Variants in DSE observed in about 807,000 individuals in gnomAD.
DSE encodes dermatan-sulfate epimerase.
DSE carries 36 observed loss-of-function variants against 84.4 expected under a neutral mutation model. The ratio of observed to expected loss-of-function variants is 0.43; its 90% CI spans 0.33 to 0.56. The LOEUF (loss-of-function observed/expected upper bound fraction) is 0.56. Ranked by LOEUF, DSE falls within the 20% of genes least tolerant of loss-of-function variation. The pLI, the probability that DSE is intolerant of heterozygous loss-of-function variation, is 0.06. For missense variants in DSE, 862 were observed against 1,169.6 expected (o/e 0.74, Z 3.84); for synonymous variants, 410 against 430.1 (o/e 0.95, Z 0.58).
chr6:116,259,358 G>T (rs889253167), intron 2 of DSE: 1 of 404,928 alleles, frequency 2.5e-6, no homozygotes, highest in African/African-American at 2.0e-5. Context: ...CTCGATATAG[G>T]TGTATGGTAC....
upstream of DSE, among the ~76,000 whole-genome samples, chr6:116,365,633 C>A (rs1779126577): frequency 1.3e-5 from 2 of 152,194 alleles, no homozygotes; most frequent in African/African-American, 4.8e-5. Context: ...GGTTCTAACT[C>A]TGGCTGCACA....
In DSE at chr6:116,415,734, T is replaced by C. The variant is rs542784516; in HGVS notation, c.417-10840T>C. 3.3e-5 allele frequency among the ~76,000 whole-genome samples: 5 copies of C among 152,336 alleles called. 1 individual carries two copies. The highest frequency in any genetic ancestry group is 2.6e-4 in the Admixed American group (4 of 15,300). ...TATTTTGTTTTCCATTTCAAGAGCT[T>C]CTTTTGTCTTGAAATTTCTTTCTGC... is the stretch of plus-strand genomic sequence containing the variant. On this transcript the variant is annotated intron_variant, in intron 2 of 5. Transcript: ENST00000644252.
chr6:116,310,298 T>TC (rs922974263), intron 2 of DSE, among the ~76,000 whole-genome samples: 3 of 152,130 alleles, frequency 2.0e-5, no homozygotes, highest in Non-Finnish European at 2.9e-5. Context: ...CTGTGTATGC[T>TC]CCCTCCTTAG....
At chr6:116,394,434 C>T (rs929209881) in intron 1 of DSE, among the ~76,000 whole-genome samples, 10 of 139,436 alleles carry the variant, frequency 7.2e-5, no homozygotes, top group African/African-American at 1.1e-4. Context: ...GCAGTAACAG[C>T]GTGATTTTTT....
intron 2 of DSE, among the ~76,000 whole-genome samples, chr6:116,295,361 G>T (rs970198577): frequency 2.0e-5 from 3 of 152,106 alleles, no homozygotes; most frequent in Non-Finnish European, 4.4e-5. Context: ...GGAGTATTAT[G>T]TTCTGCTGTG....
intron 2 of DSE, among the ~76,000 whole-genome samples, chr6:116,419,880 G>A (rs1782958373): frequency 6.6e-6 from 1 of 152,102 alleles, no homozygotes; most frequent in Non-Finnish European, 1.5e-5. Flanking sequence ...AAAAGAAGAT[G>A]GATCATTTTA....
intron 2 of DSE, among the ~76,000 whole-genome samples, chr6:116,345,539 A>G (rs374457551): frequency 1.3e-5 from 2 of 152,236 alleles, no homozygotes; most frequent in African/African-American, 4.8e-5. Context: ...AACGAAATGA[A>G]GGCAGAAATA....
intron 2 of DSE, among the ~76,000 whole-genome samples, chr6:116,415,558 C>CT (rs1491516328): frequency 9.7e-6 from 1 of 103,542 alleles, no homozygotes; most frequent in Non-Finnish European, 2.1e-5. Flanking sequence ...TTTTTTTTTC[C>CT]TCTCTTCTTT....
At chr6:116,284,367 C>T (rs189161406) in intron 2 of DSE, among the ~76,000 whole-genome samples, 3 of 152,182 alleles carry the variant, frequency 2.0e-5, no homozygotes, top group African/African-American at 4.8e-5. Flanking sequence ...TTATGACCTT[C>T]GTGTTACTCA....
chr6:116,272,628 T>A (rs1160926871), intron 2 of DSE, among the ~76,000 whole-genome samples: 2 of 152,188 alleles, frequency 1.3e-5, no homozygotes, highest in East Asian at 3.9e-4. Flanking sequence ...GAGTATGTAT[T>A]CCCTAACTTA....
chr6:116,333,072 A>G (rs1173406649), intron 2 of DSE, among the ~76,000 whole-genome samples: 1 of 152,226 alleles, frequency 6.6e-6, no homozygotes, highest in Non-Finnish European at 1.5e-5. Context: ...ATTCACTGCT[A>G]ATGTGAAAAT....
intron 2 of DSE, chr6:116,279,798 A>T (rs756094523): frequency 6.2e-7 from 1 of 1,612,816 alleles, no homozygotes; most frequent in East Asian, 2.2e-5. Context: ...TTTGGAGGGG[A>T]GTGGTCCTCT....
intron 2 of DSE, among the ~76,000 whole-genome samples, chr6:116,362,765 T>A (rs1257128184): frequency 6.6e-6 from 1 of 152,108 alleles, no homozygotes; most frequent in Non-Finnish European, 1.5e-5. Context: ...CTAGGCCACA[T>A]CCCCCAGAAA....
At chr6:116,310,805 C>A (rs907192521) in intron 2 of DSE, among the ~76,000 whole-genome samples, 4 of 152,190 alleles carry the variant, frequency 2.6e-5, no homozygotes, top group African/African-American at 9.6e-5. Context: ...ACAGAGCAAG[C>A]TTTCTAAACA....
At chr6:116,338,836 A>C (rs1777420250) in intron 2 of DSE, among the ~76,000 whole-genome samples, 1 of 152,232 alleles carries the variant, frequency 6.6e-6, no homozygotes, top group Non-Finnish European at 1.5e-5. Flanking sequence ...ACAGTTAATC[A>C]AAATTCTCCA....
chr6:116,297,169 AGAAT>A (rs1347898962), intron 2 of DSE, among the ~76,000 whole-genome samples: 2 of 152,108 alleles, frequency 1.3e-5, no homozygotes, highest in Non-Finnish European at 2.9e-5. Flanking sequence ...CTGCCAGGCC[AGAAT>A]GCTAGGGAAT....
chr6:116,346,827 A>G (rs1443140163), intron 2 of DSE, among the ~76,000 whole-genome samples: 1 of 152,200 alleles, frequency 6.6e-6, no homozygotes, highest in African/African-American at 2.4e-5. Context: ...AGGAAGTCAA[A>G]TTGTCCCTGT....
At chr6:116,360,771 C>G (rs1210479994) in intron 2 of DSE, among the ~76,000 whole-genome samples, 1 of 152,136 alleles carries the variant, frequency 6.6e-6, no homozygotes, top group East Asian at 1.9e-4. Flanking sequence ...ACTTATTCCT[C>G]TGTGATGAAT....
rs1055857212 is a variant in DSE, at chr6:116,279,928, A to G, written c.-54+20961A>G. 6 of 1,552,690 alleles carry G rather than the reference A, an allele frequency of 3.9e-6. No individual in the cohort carries two copies. In the African/African-American group the frequency reaches 6.8e-5, roughly 18 times the overall value. On this transcript the variant is annotated intron_variant, in intron 2 of 3. Transcript: ENST00000430252. ...CTCGCACCGCCCACCCTACAGTCTCACTAACATTTCAGCGGCGGTGTCGTC... is the reference window on the plus strand; with the variant it reads ...CTCGCACCGCCCACCCTACAGTCTCGCTAACATTTCAGCGGCGGTGTCGTC...
Sources: allele counts gnomAD v4.1 joint callset (sites outside exome capture counted in the v4.1 genomes callset), GRCh38; gene constraint gnomAD v4.1.1; transcripts MANE v1.5; gene names NCBI Gene and HGNC (gene_info 2026-07-23, HGNC 2026-07-21).